ST8SIA6: variants seen among roughly 807,000 people sequenced by gnomAD.
ST8SIA6 encodes the protein alpha-2,8-sialyltransferase 8F.
A neutral mutation model predicts 33.6 loss-of-function variants in ST8SIA6; 39 were observed. The observed-to-expected ratio is 1.16, with a 90% CI of 0.90 to 1.52. The LOEUF is 1.52. Among genes scored for constraint, ST8SIA6 ranks in the 40% most tolerant of loss-of-function variants. ST8SIA6 has a pLI of 0.00. For missense variants in ST8SIA6, 441 were observed against 443.8 expected, an observed-to-expected ratio of 0.99 and a Z score of 0.06; for synonymous variants, 172 against 167.2, an observed-to-expected ratio of 1.03 and a Z score of -0.22.
chr10:17,369,102 G>A (rs1163366399), intron 3 of ST8SIA6, among the ~76,000 whole-genome samples: 1 of 152,150 alleles, frequency 6.6e-6, no homozygotes, highest in Non-Finnish European at 1.5e-5. Flanking sequence ...GACATAATTT[G>A]TATGCCACAC....
intron 3 of ST8SIA6, among the ~76,000 whole-genome samples, chr10:17,363,459 G>A (rs1482555095): frequency 6.6e-6 from 1 of 152,190 alleles, no homozygotes; most frequent in African/African-American, 2.4e-5. Context: ...TTGCTTGGTA[G>A]TAGTGATGTA....
chr10:17,331,407 C>T lies in ST8SIA6; in HGVS notation c.522+1G>A. The T allele has an allele frequency of 1.2e-6, 2 of 1,611,342 alleles. No individual in the cohort carries two copies. Among genetic ancestry groups the T allele is most frequent in the Non-Finnish European group, 8.5e-7 (1 of 1,179,108 alleles). On this transcript the variant is annotated splice_donor_variant, in intron 5 of 7. Transcript: ENST00000377602. LOFTEE classifies it high-confidence loss of function. ...ATAACCCACCAGAAACCTTTACTCA[C>T]CACTGGAAACATATGAAAAATGTTC...
intron 4 of ST8SIA6, among the ~76,000 whole-genome samples, chr10:17,346,899 T>G (rs1848857914): frequency 6.6e-6 from 1 of 152,210 alleles, no homozygotes. Flanking sequence ...CTATCGAGAC[T>G]TAAGAATTGG....
At chr10:17,323,784 T>C (rs1244155318) in intron 6 of ST8SIA6, among the ~76,000 whole-genome samples, 1 of 152,194 alleles carries the variant, frequency 6.6e-6, no homozygotes, top group Non-Finnish European at 1.5e-5. Flanking sequence ...TTAGAAGAGT[T>C]CCCAATCCTT....
At chr10:17,372,972 T>G (rs10904945) in intron 3 of ST8SIA6, among the ~76,000 whole-genome samples, 56,491 of 151,938 alleles carry the variant, frequency 0.37, 10,745 homozygotes, top group East Asian at 0.6. Flanking sequence ...TTATGAACTA[T>G]GAAGGATCAC....
intron 2 of ST8SIA6, among the ~76,000 whole-genome samples, chr10:17,423,918 G>C (rs993255720): frequency 1.3e-5 from 2 of 152,092 alleles, no homozygotes; most frequent in Non-Finnish European, 2.9e-5. Context: ...TACCTACCAC[G>C]TGACAGTTAT....
intron 2 of ST8SIA6, among the ~76,000 whole-genome samples, chr10:17,426,571 G>T (rs1226702508): frequency 1.3e-5 from 2 of 152,188 alleles, no homozygotes. Flanking sequence ...ACATCTCAAG[G>T]AAAGTGGTTC....
intron 3 of ST8SIA6, among the ~76,000 whole-genome samples, chr10:17,386,348 G>A (rs1341892268): frequency 2.0e-5 from 3 of 152,064 alleles, no homozygotes; most frequent in African/African-American, 7.2e-5. Context: ...TCAGGAGCCT[G>A]GCCAATATGG....
intron 2 of ST8SIA6, among the ~76,000 whole-genome samples, chr10:17,452,013 C>G (rs903345602): frequency 7.2e-5 from 11 of 152,142 alleles, no homozygotes; most frequent in African/African-American, 2.4e-4. Flanking sequence ...TGAGATCAAA[C>G]CATTTAATGA....
intron 3 of ST8SIA6, among the ~76,000 whole-genome samples, chr10:17,383,923 G>A (rs534208993): frequency 1.3e-5 from 2 of 152,246 alleles, no homozygotes; most frequent in East Asian, 3.9e-4. Flanking sequence ...AAAATTTGGA[G>A]CATATTTGTT....
At chr10:17,338,343 T>C (rs879361632) in intron 4 of ST8SIA6, among the ~76,000 whole-genome samples, 1 of 152,182 alleles carries the variant, frequency 6.6e-6, no homozygotes, top group Non-Finnish European at 1.5e-5. Flanking sequence ...GTTATTCCCA[T>C]TTTAAAGATG....
chr10:17,346,788 A>G (rs1848851830), intron 4 of ST8SIA6, among the ~76,000 whole-genome samples: 1 of 152,154 alleles, frequency 6.6e-6, no homozygotes, highest in African/African-American at 2.4e-5. Flanking sequence ...AAATACAATC[A>G]ACAGTCTATC....
At chr10:17,357,297 T>G (rs950274078) in intron 4 of ST8SIA6, among the ~76,000 whole-genome samples, 2 of 150,762 alleles carry the variant, frequency 1.3e-5, no homozygotes, top group African/African-American at 4.9e-5. Context: ...GGCTAATTTT[T>G]TTTTTTTTTT....
At chr10:17,425,017 A>G (rs11592196) in intron 2 of ST8SIA6, among the ~76,000 whole-genome samples, 68,233 of 151,848 alleles carry the variant, frequency 0.45, 16,371 homozygotes, top group East Asian at 0.61. Flanking sequence ...TTCAGGCATG[A>G]GCCACCACGC....
chr10:17,320,685 A>G lies in ST8SIA6; in HGVS notation c.*193T>C. 1 of 599,642 alleles carries G rather than the reference A, an allele frequency of 1.7e-6. No homozygotes were observed. Among genetic ancestry groups the G allele is most frequent in the Non-Finnish European group, 2.9e-6 (1 of 339,964 alleles). The allele number at this position is 599,642 out of a possible 1,614,324, so 37.1% of individuals were successfully genotyped here. A position where few individuals can be genotyped will look rare whatever the true frequency, so the allele number is the denominator to read the frequency against. ...ATGAGTCAGATATGGTGTCCATGTT[A>G]TAAGGAGAAAAAATGAAGATGAGAA... is the stretch of plus-strand genomic sequence containing the variant. On this transcript the variant is annotated 3_prime_UTR_variant, in exon 8 of 8. Coordinates refer to ENST00000377602, the MANE Select transcript of ST8SIA6 (RefSeq NM_001004470.3).
At chr10:17,393,325 G>A (rs905803430) in intron 2 of ST8SIA6, among the ~76,000 whole-genome samples, 4 of 152,158 alleles carry the variant, frequency 2.6e-5, no homozygotes, top group South Asian at 4.1e-4. Flanking sequence ...CTAATCCCTC[G>A]TAATAAATCT....
At chr10:17,449,410 G>A (rs949008161) in intron 2 of ST8SIA6, among the ~76,000 whole-genome samples, 17 of 152,252 alleles carry the variant, frequency 1.1e-4, no homozygotes, top group African/African-American at 3.6e-4. Context: ...AAAACTACTA[G>A]TTTATTTTCT....
intron 4 of ST8SIA6, among the ~76,000 whole-genome samples, chr10:17,332,987 A>G (rs1848349425): frequency 6.6e-6 from 1 of 152,020 alleles, no homozygotes; most frequent in Non-Finnish European, 1.5e-5. Context: ...GATTGCAAAA[A>G]TCCCATTCTG....
chr10:17,393,702 A>G (rs45439994), intron 2 of ST8SIA6, among the ~76,000 whole-genome samples: 6,732 of 152,246 alleles, frequency 0.044, 205 homozygotes, highest in Non-Finnish European at 0.061. Context: ...CAAGACTGAC[A>G]GGACTTCCTA....
Sources: gnomAD v4.1 joint callset for allele counts (sites outside exome capture counted in the v4.1 genomes callset) on GRCh38, gnomAD v4.1.1 for gene constraint, MANE v1.5 for transcripts, NCBI Gene and HGNC (gene_info 2026-07-23, HGNC 2026-07-21) for gene names.